ITIH2: variants seen among roughly 807,000 people sequenced by gnomAD.
ITIH2 encodes the protein inter-alpha-trypsin inhibitor heavy chain H2.
ITIH2 carries 103 observed loss-of-function variants against 104.4 expected under a neutral mutation model. The observed-to-expected ratio is 0.99, with a 90% CI of 0.84 to 1.16. The LOEUF (loss-of-function observed/expected upper bound fraction) is 1.16. Among genes scored for constraint, ITIH2 ranks in the 50% most tolerant of loss-of-function variants. ITIH2 has a pLI of 0.00. For synonymous variants in ITIH2, 436 were observed against 435.4 expected, an observed-to-expected ratio of 1.00 and a Z score of -0.02; for missense variants, 1,108 against 1,162.4, an observed-to-expected ratio of 0.95 and a Z score of 0.68.
chr10:7,731,125 C>A (rs1029200996), intron 12 of ITIH2, among the ~76,000 whole-genome samples: 1 of 152,056 alleles, frequency 6.6e-6, no homozygotes, highest in South Asian at 2.1e-4. Context: ...ACCATGTTGG[C>A]GAGGCTGGTC....
chr10:7,717,900 C>A, intron 6 of ITIH2, 112 bp downstream of exon 6: 2 of 1,064,964 alleles, frequency 1.9e-6, no homozygotes, highest in Non-Finnish European at 2.8e-6. Flanking sequence ...CCACTCAACT[C>A]TACAAGACAG....
At chr10:7,724,719 T>C (rs537848170) in intron 9 of ITIH2, among the ~76,000 whole-genome samples, 1 of 152,104 alleles carries the variant, frequency 6.6e-6, no homozygotes, top group Admixed American at 6.5e-5. Context: ...GATGGGGTCA[T>C]TCCTTGTTGT....
At chr10:7,725,350 T>C (rs1189975898) in intron 9 of ITIH2, among the ~76,000 whole-genome samples, 2 of 152,096 alleles carry the variant, frequency 1.3e-5, no homozygotes, top group East Asian at 1.9e-4. Flanking sequence ...TTAAATGCAA[T>C]GAACAGCTCA....
At position 7,717,522 on chromosome 10, in the gene ITIH2, C is replaced by A. The variant is rs941131292; in HGVS notation, c.468-104C>A. On this transcript the variant is annotated intron_variant, in intron 5 of 20. Transcript: ENST00000358415. ...CTGTTCACTTTCATGAACTACTGAG[C>A]AGAACGGACGGTCCAGGAAATTCTA... 12 of 1,001,162 alleles carry A rather than the reference C, an allele frequency of 1.2e-5. No individual in the cohort carries two copies. The African/African-American group carries it at 1.9e-4, about 16-fold the overall frequency. The allele number at this position is 1,001,162 out of a possible 1,614,324, so 62.0% of individuals were successfully genotyped here.
At chr10:7,705,937 A>C (rs948185500) in intron 2 of ITIH2, among the ~76,000 whole-genome samples, 1 of 152,144 alleles carries the variant, frequency 6.6e-6, no homozygotes, top group African/African-American at 2.4e-5. Context: ...CACCAGCAGC[A>C]GTATAGACAA....
intron 20 of ITIH2, 130 bp downstream of exon 20, chr10:7,746,834 T>C (rs1025174467): frequency 8.2e-5 from 50 of 607,622 alleles, no homozygotes; most frequent in Middle Eastern, 2.9e-4. Flanking sequence ...TCATTAGGAA[T>C]AGACGCACAC....
chr10:7,713,028 G>A (rs779990202), intron 4 of ITIH2, among the ~76,000 whole-genome samples, 153 bp from the exon 5 acceptor site: 1 of 152,132 alleles, frequency 6.6e-6, no homozygotes, highest in Non-Finnish European at 1.5e-5. Flanking sequence ...GCTGAAGCAG[G>A]AGAATTGCTT....
chr10:7,711,826 C>T (rs1423542031), intron 4 of ITIH2, among the ~76,000 whole-genome samples: 1 of 152,222 alleles, frequency 6.6e-6, no homozygotes, highest in Non-Finnish European at 1.5e-5. Flanking sequence ...ACAACCCAAA[C>T]TTCACACATT....
chr10:7,746,748 A>G (rs772097200), intron 20 of ITIH2, 44 bp downstream of exon 20: 1 of 1,220,922 alleles, frequency 8.2e-7, no homozygotes, highest in South Asian at 1.2e-5. Flanking sequence ...GCCTTGTGTT[A>G]GAATTAGACC....
chr10:7,737,340 T>G (rs1835064810), intron 15 of ITIH2, among the ~76,000 whole-genome samples: 1 of 149,176 alleles, frequency 6.7e-6, no homozygotes, highest in Admixed American at 6.8e-5. Context: ...CTTTTCTCTT[T>G]CTTGGGGACT....
chr10:7,730,227 C>G (rs1834990049), intron 12 of ITIH2, 94 bp downstream of exon 12: 4 of 936,352 alleles, frequency 4.3e-6, no homozygotes, highest in Non-Finnish European at 4.8e-6. Flanking sequence ...GAACTTAACT[C>G]AAAATGGTCA....
Position 7,716,909 on chromosome 10 carries a change from G to A in ITIH2, c.468-717G>A, listed in dbSNP as rs1198169285. Among the ~76,000 whole-genome samples the A allele has an allele frequency of 2.0e-5, 3 of 151,398 alleles. No homozygotes were observed. The East Asian group carries it at 5.8e-4, about 29-fold the overall frequency. On this transcript the variant is annotated intron_variant, in intron 5 of 20. Coordinates refer to ENST00000358415, the MANE Select transcript of ITIH2 (RefSeq NM_002216.3). The stretch of plus-strand genomic sequence containing the variant: ...GGGTGTGAGTTCTGATCCCACAGTG[G>A]ACTGGCCATGGGGTCTTGAGCAGGT...
intron 15 of ITIH2, 119 bp downstream of exon 15, chr10:7,735,210 C>T: frequency 1.2e-6 from 1 of 814,976 alleles, no homozygotes; most frequent in Non-Finnish European, 1.8e-6. Flanking sequence ...CAGCCCTGGG[C>T]CCTCCTGTGC....
At position 7,738,544 on chromosome 10, in the gene ITIH2, A is replaced by G. The variant is rs900934395; in HGVS notation, c.1958-77A>G. ...CTGACAATACCTGGGGGTGCATAAA[A>G]CAGATTCTTGACATGGTGAGCAATT... On this transcript the variant is annotated intron_variant, in intron 15 of 20. Coordinates refer to ENST00000358415, the MANE Select transcript of ITIH2 (RefSeq NM_002216.3). The G allele has an allele frequency of 3.2e-6, 5 of 1,545,988 alleles. No individual in the cohort carries two copies. The East Asian group carries it at 1.1e-4, about 35-fold the overall frequency.
intron 17 of ITIH2, among the ~76,000 whole-genome samples, 187 bp downstream of exon 17, chr10:7,743,446 A>C (rs925251917): frequency 6.6e-6 from 1 of 152,144 alleles, no homozygotes; most frequent in Non-Finnish European, 1.5e-5. Flanking sequence ...ATATACTCTG[A>C]GTATGAACTT....
At chr10:7,733,020 C>A (rs1401814735) in intron 14 of ITIH2, among the ~76,000 whole-genome samples, 2 of 152,240 alleles carry the variant, frequency 1.3e-5, no homozygotes, top group East Asian at 3.9e-4. Context: ...AGCCACCGCA[C>A]CCGGCCAAAA....
rs181224409 is a variant in ITIH2 at position 7,717,268 on chromosome 10, A to T, written c.468-358A>T. Among the ~76,000 whole-genome samples the T allele has an allele frequency of 2.6e-5, 4 of 152,256 alleles. No individual in the cohort carries two copies. In the East Asian group the frequency reaches 5.8e-4, roughly 22 times the overall value. On this transcript the variant is annotated intron_variant, in intron 5 of 20. Coordinates refer to ENST00000358415, the MANE Select transcript of ITIH2 (RefSeq NM_002216.3). ...CACCCAGCCCAAGCCTAATTTTTTT[A>T]TCATCTGAAAAGTCAGGGTAATGAT...
intron 16 of ITIH2, among the ~76,000 whole-genome samples, chr10:7,739,811 C>G (rs1163706020): frequency 1.3e-5 from 2 of 152,158 alleles, no homozygotes; most frequent in Admixed American, 6.5e-5. Context: ...TTTGCCTGAG[C>G]CCAGAAGTTC....
At chr10:7,713,421 T>G (rs1304268133) in intron 5 of ITIH2, 136 bp downstream of exon 5, 4 of 647,760 alleles carry the variant, frequency 6.2e-6, no homozygotes, top group African/African-American at 5.4e-5. Flanking sequence ...GAGCCAGATG[T>G]TAGAATTAGG....
Sources: gnomAD v4.1 joint callset for allele counts (sites outside exome capture counted in the v4.1 genomes callset) on GRCh38, gnomAD v4.1.1 for gene constraint, MANE v1.5 for transcripts, NCBI Gene and HGNC (gene_info 2026-07-23, HGNC 2026-07-21) for gene names.